CERS6: variants seen among roughly 807,000 people sequenced by gnomAD.
The protein encoded by CERS6 is LAG1 homolog, ceramide synthase 6.
In CERS6, 26 loss-of-function variants were observed where a neutral mutation model predicts 56.8. That is an observed-to-expected ratio of 0.46 (90% confidence interval 0.34 to 0.63). The LOEUF (loss-of-function observed/expected upper bound fraction) is 0.63. CERS6 is among the 30% of genes least tolerant of loss of function. The pLI, the probability that CERS6 is intolerant of heterozygous loss-of-function variation, is 0.01. For synonymous variants in CERS6, 164 were observed against 173.3 expected, an observed-to-expected ratio of 0.95 and a Z score of 0.42; for missense variants, 415 against 467.5, an observed-to-expected ratio of 0.89 and a Z score of 1.04.
At chr2:168,691,265 G>A (rs1686494750) in intron 5 of CERS6, among the ~76,000 whole-genome samples, 181 bp downstream of exon 5, 1 of 152,184 alleles carries the variant, frequency 6.6e-6, no homozygotes, top group South Asian at 2.1e-4. Context: ...TCTTAGTGAA[G>A]TTCAGAATCA....
chr2:168,708,619 G>A (rs536092821), intron 6 of CERS6, among the ~76,000 whole-genome samples: 1 of 152,034 alleles, frequency 6.6e-6, no homozygotes, highest in Non-Finnish European at 1.5e-5. Flanking sequence ...ATTCATATTA[G>A]TTAGATTACA....
chr2:168,612,100 G>C (rs917009578), intron 3 of CERS6, among the ~76,000 whole-genome samples: 1 of 152,214 alleles, frequency 6.6e-6, no homozygotes, highest in African/African-American at 2.4e-5. Flanking sequence ...TACTTTACAA[G>C]TATTGCCTCA....
chr2:168,735,743 G>C (rs563373820), intron 8 of CERS6, among the ~76,000 whole-genome samples: 5 of 151,758 alleles, frequency 3.3e-5, no homozygotes, highest in African/African-American at 1.2e-4. Flanking sequence ...TCAGCCAGGC[G>C]TGATGTCACA....
chr2:168,632,628 T>G (rs1391810522), intron 4 of CERS6, among the ~76,000 whole-genome samples: 1 of 152,232 alleles, frequency 6.6e-6, no homozygotes, highest in Non-Finnish European at 1.5e-5. Context: ...ACGGCTTATT[T>G]TGGAATTCTG....
intron 3 of CERS6, among the ~76,000 whole-genome samples, chr2:168,585,628 C>G (rs924746086): frequency 1.3e-5 from 2 of 152,194 alleles, no homozygotes; most frequent in African/African-American, 4.8e-5. Context: ...TAGATGTTAC[C>G]TAGCACCACT....
At chr2:168,469,097 G>T (rs1446408465) in intron 1 of CERS6, among the ~76,000 whole-genome samples, 2 of 152,070 alleles carry the variant, frequency 1.3e-5, no homozygotes, top group Non-Finnish European at 2.9e-5. Flanking sequence ...TTATGAAAAT[G>T]GAAACATTCA....
chr2:168,750,231 T>G (rs1684222962), intron 8 of CERS6, among the ~76,000 whole-genome samples: 1 of 152,190 alleles, frequency 6.6e-6, no homozygotes, highest in African/African-American at 2.4e-5. Flanking sequence ...GTTAAGACCT[T>G]TATTGGCTTT....
chr2:168,466,109 TAGAA>T (rs1693869616), intron 1 of CERS6, among the ~76,000 whole-genome samples: 1 of 8,516 alleles, frequency 1.2e-4, no homozygotes, highest in Non-Finnish European at 2.0e-4. Flanking sequence ...TGAGGGGTGA[TAGAA>T]GGAAGGTTTT....
Position 168,725,252 on chromosome 2 carries a change from G to A in CERS6, c.845+7274G>A, listed in dbSNP as rs532623627. Reference sequence around the variant, plus strand: ...TCCAGCTGGCCTGCAAGCGCTGCACGCAGCCCTGGTTCCCACTCATGCCTC... The same window carrying A: ...TCCAGCTGGCCTGCAAGCGCTGCACACAGCCCTGGTTCCCACTCATGCCTC... On this transcript the variant is annotated intron_variant, in intron 8 of 9. Coordinates refer to ENST00000305747, the MANE Select transcript of CERS6 (RefSeq NM_203463.3). Among the ~76,000 whole-genome samples the A allele has an allele frequency of 1.2e-4, 19 of 152,370 alleles. No individual in the cohort carries two copies. The South Asian group carries it at 2.5e-3, about 20-fold the overall frequency.
chr2:168,641,607 G>T (rs181085252), intron 4 of CERS6, among the ~76,000 whole-genome samples: 1 of 152,224 alleles, frequency 6.6e-6, no homozygotes, highest in Non-Finnish European at 1.5e-5. Context: ...ATAATGTTAA[G>T]CCCTTTAAAT....
At chr2:168,763,005 C>G (rs1171547321) in intron 8 of CERS6, among the ~76,000 whole-genome samples, 1 of 152,080 alleles carries the variant, frequency 6.6e-6, no homozygotes, top group East Asian at 1.9e-4. Flanking sequence ...TTTTGAGCAG[C>G]TGGAACTGCA....
intron 4 of CERS6, among the ~76,000 whole-genome samples, chr2:168,670,966 T>TCCCCCC (rs35335379): frequency 6.5e-5 from 2 of 30,570 alleles, no homozygotes; most frequent in Non-Finnish European, 2.6e-4. Context: ...GATACATGCT[T>TCCCCCC]CCCCCCCCCC....
chr2:168,733,424 A>C (rs924002031), intron 8 of CERS6, among the ~76,000 whole-genome samples: 3 of 152,206 alleles, frequency 2.0e-5, no homozygotes, highest in Non-Finnish European at 4.4e-5. Context: ...CTTAGTGAAG[A>C]GGAAAGAGAG....
intron 3 of CERS6, among the ~76,000 whole-genome samples, chr2:168,603,138 A>C (rs1683973908): frequency 6.6e-6 from 1 of 152,186 alleles, no homozygotes; most frequent in African/African-American, 2.4e-5. Flanking sequence ...TTTAAATGTC[A>C]GGTGATGTTT....
intron 8 of CERS6, among the ~76,000 whole-genome samples, chr2:168,734,533 A>G (rs990203976): frequency 6.6e-6 from 1 of 152,242 alleles, no homozygotes; most frequent in African/African-American, 2.4e-5. Context: ...TCCATCAGGA[A>G]CAAAAGACAG....
At chr2:168,576,165 C>T (rs778256103) in intron 3 of CERS6, among the ~76,000 whole-genome samples, 14 of 152,046 alleles carry the variant, frequency 9.2e-5, no homozygotes, top group Non-Finnish European at 2.1e-4. Flanking sequence ...CCATGAAGGA[C>T]GCCTCCTACC....
chr2:168,624,444 C>G (rs1478813355), intron 3 of CERS6, among the ~76,000 whole-genome samples: 1 of 152,100 alleles, frequency 6.6e-6, no homozygotes, highest in Non-Finnish European at 1.5e-5. Context: ...AACTTGCCAT[C>G]TTATAGTACG....
intron 3 of CERS6, among the ~76,000 whole-genome samples, chr2:168,604,041 T>A (rs748604964): frequency 9.9e-5 from 15 of 152,232 alleles, no homozygotes; most frequent in Non-Finnish European, 2.1e-4. Flanking sequence ...AGATATGATT[T>A]GATATTAAAA....
chr2:168,517,471 G>A (rs1165059670), intron 1 of CERS6, among the ~76,000 whole-genome samples: 3 of 151,116 alleles, frequency 2.0e-5, no homozygotes, highest in African/African-American at 7.3e-5. Flanking sequence ...CAGCCTGGGC[G>A]ATACAGCAAG....
Sources: allele counts gnomAD v4.1 joint callset (sites outside exome capture counted in the v4.1 genomes callset), GRCh38; gene constraint gnomAD v4.1.1; transcripts MANE v1.5; gene names NCBI Gene and HGNC (gene_info 2026-07-23, HGNC 2026-07-21).